Variants in ROBO1 observed in about 807,000 individuals in gnomAD.
ROBO1 encodes the protein roundabout homolog 1.
A neutral mutation model predicts 195.9 loss-of-function variants in ROBO1; 149 were observed. The observed-to-expected ratio is 0.76, with a 90% CI of 0.67 to 0.87. The LOEUF (loss-of-function observed/expected upper bound fraction) is 0.87, where lower values mean the gene tolerates loss of function less well. ROBO1 is among the 40% of genes least tolerant of loss of function. The pLI, the probability that ROBO1 is intolerant of heterozygous loss-of-function variation, is 0.00. For synonymous variants in ROBO1, 816 were observed against 733.2 expected (o/e 1.11, Z -1.82); for missense variants, 1,933 against 2,068.3 (o/e 0.93, Z 1.27).
At chr3:78,695,700 G>C (rs2081274241) in intron 8 of ROBO1, among the ~76,000 whole-genome samples, 1 of 147,986 alleles carries the variant, frequency 6.8e-6, no homozygotes, top group Admixed American at 6.7e-5. Flanking sequence ...AGTTATCTAA[G>C]AACATCAGCT....
intron 2 of ROBO1, among the ~76,000 whole-genome samples, chr3:79,138,924 C>T (rs867520915): frequency 6.6e-6 from 1 of 151,588 alleles, no homozygotes; most frequent in Non-Finnish European, 1.5e-5. Flanking sequence ...GATATTATAA[C>T]AAGTTGGAAT....
intron 1 of ROBO1, among the ~76,000 whole-genome samples, chr3:79,593,222 G>A (rs1037006046): frequency 2.0e-5 from 3 of 152,038 alleles, no homozygotes; most frequent in East Asian, 3.9e-4. Flanking sequence ...ATAAATATCC[G>A]TTTGCAGGTT....
At chr3:79,282,265 A>G (rs967443614) in intron 2 of ROBO1, among the ~76,000 whole-genome samples, 2 of 152,224 alleles carry the variant, frequency 1.3e-5, no homozygotes, top group Non-Finnish European at 1.5e-5. Context: ...AGGACATTCA[A>G]GATAGAATAC....
At chr3:78,734,607 TGG>T (rs80213414) in intron 5 of ROBO1, among the ~76,000 whole-genome samples, 2 of 143,714 alleles carry the variant, frequency 1.4e-5, no homozygotes. Context: ...GAAATCCATT[TGG>T]GGGAAAAAAA....
chr3:79,098,035 C>T (rs1042967874), intron 3 of ROBO1, among the ~76,000 whole-genome samples: 3 of 151,696 alleles, frequency 2.0e-5, no homozygotes, highest in Admixed American at 1.3e-4. Context: ...AAGAGTTACT[C>T]ATCATAGAGA....
chr3:79,569,665 GTGTGTGTGTATA>G (rs751289716), intron 2 of ROBO1, among the ~76,000 whole-genome samples: 2 of 150,488 alleles, frequency 1.3e-5, no homozygotes, highest in African/African-American at 2.4e-5. Context: ...GTGTGTGTGT[GTGTGTGTGTATA>G]TATGTGTGTG....
chr3:79,126,880 G>C (rs1331483239), intron 2 of ROBO1, among the ~76,000 whole-genome samples: 1 of 151,896 alleles, frequency 6.6e-6, no homozygotes, highest in African/African-American at 2.4e-5. Context: ...CTTAAAAAAG[G>C]AATACAAAGA....
At chr3:78,674,962 T>C (rs1486111073) in intron 10 of ROBO1, among the ~76,000 whole-genome samples, 1 of 152,150 alleles carries the variant, frequency 6.6e-6, no homozygotes, top group Non-Finnish European at 1.5e-5. Flanking sequence ...TTCACAATCA[T>C]TATTTAATGG....
intron 1 of ROBO1, among the ~76,000 whole-genome samples, chr3:79,711,862 C>T (rs1439882420): frequency 1.6e-5 from 2 of 126,844 alleles, no homozygotes; most frequent in Non-Finnish European, 3.1e-5. Context: ...ATTATTATAT[C>T]CGTTATGGTA....
intron 3 of ROBO1, among the ~76,000 whole-genome samples, chr3:79,103,530 G>C (rs1011765931): frequency 4.6e-5 from 7 of 151,604 alleles, no homozygotes; most frequent in Non-Finnish European, 7.4e-5. Flanking sequence ...AGAGCAAAAC[G>C]GCCCTATGCA....
chr3:79,525,864 C>T (rs1361882482), intron 2 of ROBO1, among the ~76,000 whole-genome samples: 5 of 152,054 alleles, frequency 3.3e-5, no homozygotes, highest in African/African-American at 9.7e-5. Context: ...CCTGCCTCAG[C>T]CTCCCAAAGT....
intron 2 of ROBO1, among the ~76,000 whole-genome samples, chr3:79,128,511 T>C (rs1370373087): frequency 1.3e-5 from 2 of 152,130 alleles, no homozygotes; most frequent in Non-Finnish European, 2.9e-5. Flanking sequence ...GGATGTAAAT[T>C]GTATTTTCTG....
intron 1 of ROBO1, among the ~76,000 whole-genome samples, chr3:79,747,033 G>T (rs1324675270): frequency 6.6e-6 from 1 of 152,002 alleles, no homozygotes; most frequent in Non-Finnish European, 1.5e-5. Context: ...TTTTTGGTAT[G>T]TAAAGGAGTA....
At position 78,774,396 on chromosome 3, in the gene ROBO1, C is replaced by T. The variant is rs185233344; in HGVS notation, c.500-27496G>A. On this transcript the variant is annotated intron_variant, in intron 4 of 30. Transcript: ENST00000464233. ...CCGGATCTCGGCTCACCGCAAGCTA[C>T]GCCTCCTGGGTTCACGCCATTCTCC... 5.1e-3 allele frequency among the ~76,000 whole-genome samples: 772 copies of T among 151,854 alleles called. 6 individuals carry two copies. The highest frequency in any genetic ancestry group is 0.017 in the African/African-American group (698 of 41,432).
intron 1 of ROBO1, among the ~76,000 whole-genome samples, chr3:79,735,081 A>G (rs1184097916): frequency 6.6e-6 from 1 of 152,226 alleles, no homozygotes; most frequent in Admixed American, 6.5e-5. Context: ...CCACTTAGAC[A>G]TTACCTCTGA....
chr3:79,043,379 T>G (rs1486844429), intron 3 of ROBO1, among the ~76,000 whole-genome samples: 1 of 152,074 alleles, frequency 6.6e-6, no homozygotes, highest in Non-Finnish European at 1.5e-5. Flanking sequence ...CTATTTTTAA[T>G]TAAAAAAATT....
chr3:79,274,817 G>T (rs370484549), intron 2 of ROBO1, among the ~76,000 whole-genome samples: 1 of 151,864 alleles, frequency 6.6e-6, no homozygotes, highest in Non-Finnish European at 1.5e-5. Flanking sequence ...AACAAATACC[G>T]CAGAAATCCG....
At chr3:78,835,102 A>T (rs2032591920) in intron 4 of ROBO1, among the ~76,000 whole-genome samples, 2 of 152,276 alleles carry the variant, frequency 1.3e-5, no homozygotes, top group Middle Eastern at 3.4e-3. Context: ...TATTAAACAG[A>T]TGTTTTTGTC....
At chr3:79,050,291 G>A (rs1393760299) in intron 3 of ROBO1, among the ~76,000 whole-genome samples, 2 of 152,054 alleles carry the variant, frequency 1.3e-5, no homozygotes, top group African/African-American at 4.8e-5. Flanking sequence ...AAGATCAAAA[G>A]AGACAAAGAA....
Sources: gnomAD v4.1 joint callset for allele counts (sites outside exome capture counted in the v4.1 genomes callset) on GRCh38, gnomAD v4.1.1 for gene constraint, MANE v1.5 for transcripts, NCBI Gene and HGNC (gene_info 2026-07-23, HGNC 2026-07-21) for gene names.